Variants in EYS observed in about 807,000 individuals in gnomAD.
The protein encoded by EYS is EGF-like photoreceptor maintenance factor.
A neutral mutation model predicts 282.1 loss-of-function variants in EYS; 250 were observed. That is an observed-to-expected ratio of 0.89 (90% CI 0.80 to 0.98). EYS has a LOEUF of 0.98. Ranked by LOEUF, EYS falls within the 50% of genes least tolerant of loss-of-function variation. The pLI is 0.00. For synonymous variants in EYS, 1,355 were observed against 1,282.9 expected (o/e 1.06, Z -1.20); for missense variants, 4,016 against 3,709.0 (o/e 1.08, Z -2.15).
chr6:64,473,787 T>C (rs899205155), intron 26 of EYS, among the ~76,000 whole-genome samples: 2 of 152,118 alleles, frequency 1.3e-5, no homozygotes, highest in Admixed American at 1.3e-4. Flanking sequence ...GGGTCTCACA[T>C]AGTGTCATCT....
At chr6:64,359,788 C>T (rs545152395) in intron 29 of EYS, among the ~76,000 whole-genome samples, 2 of 151,744 alleles carry the variant, frequency 1.3e-5, no homozygotes, top group Admixed American at 1.3e-4. Flanking sequence ...GGGCCCCATC[C>T]TTATCACCTC....
intron 14 of EYS, among the ~76,000 whole-genome samples, chr6:64,968,325 C>T (rs1770169778): frequency 6.6e-6 from 1 of 151,932 alleles, no homozygotes; most frequent in Non-Finnish European, 1.5e-5. Context: ...TTTCCACTGC[C>T]TTGAAAACTA....
At chr6:64,419,351 G>A (rs1480141194) in intron 28 of EYS, among the ~76,000 whole-genome samples, 2 of 152,134 alleles carry the variant, frequency 1.3e-5, no homozygotes, top group East Asian at 1.9e-4. Flanking sequence ...AGATTTGGGT[G>A]AGGACACAGC....
In EYS at chr6:64,128,805, C is replaced by T. The variant is rs572140213; in HGVS notation, c.6425-46803G>A. Among the ~76,000 whole-genome samples, 6 of 152,266 alleles carry T rather than the reference C, an allele frequency of 3.9e-5. No individual in the cohort carries two copies. The East Asian group carries it at 1.2e-3, about 29-fold the overall frequency. On this transcript the variant is annotated intron_variant, in intron 31 of 42. Coordinates refer to ENST00000503581, the MANE Select transcript of EYS (RefSeq NM_001142800.2). ...AATCATTATGCTAATGCTTACTGCT[C>T]ACTGTGTATGGAAGGGTCTCATAAG...
intron 37 of EYS, among the ~76,000 whole-genome samples, chr6:63,792,391 C>A (rs1770539669): frequency 6.6e-6 from 1 of 152,036 alleles, no homozygotes; most frequent in Admixed American, 6.6e-5. Flanking sequence ...ACTGTCACAG[C>A]CGGTACCTAG....
intron 22 of EYS, among the ~76,000 whole-genome samples, chr6:64,777,368 A>T (rs2055171): frequency 0.42 from 63,548 of 151,970 alleles, 15,830 homozygotes; most frequent in Admixed American, 0.59. Context: ...GGTGGTGAAC[A>T]TGCTGTTGGA....
intron 11 of EYS, chr6:65,330,535 C>G (rs1502968): frequency 1.0e-6 from 1 of 983,290 alleles, no homozygotes; most frequent in African/African-American, 1.8e-5. Flanking sequence ...GATTTCAGGG[C>G]AAAAAAATGT....
intron 31 of EYS, among the ~76,000 whole-genome samples, chr6:64,136,799 A>G (rs1774175103): frequency 6.6e-6 from 1 of 152,166 alleles, no homozygotes; most frequent in Non-Finnish European, 1.5e-5. Context: ...TAGAGAACAG[A>G]CAGAGTAGAT....
At chr6:65,656,625 T>C (rs1269134291) in intron 1 of EYS, among the ~76,000 whole-genome samples, 1 of 151,906 alleles carries the variant, frequency 6.6e-6, no homozygotes, top group African/African-American at 2.4e-5. Context: ...TTACCTCAGA[T>C]GCTGGAAAAG....
chr6:65,354,721 G>A (rs1339701584), intron 8 of EYS, among the ~76,000 whole-genome samples: 1 of 152,056 alleles, frequency 6.6e-6, no homozygotes, highest in East Asian at 1.9e-4. Context: ...GGAGACTGAG[G>A]CAGGAGAATC....
intron 41 of EYS, among the ~76,000 whole-genome samples, chr6:63,756,292 G>A (rs1269123495): frequency 1.3e-5 from 2 of 152,140 alleles, no homozygotes; most frequent in African/African-American, 4.8e-5. Context: ...ATTATTTTGA[G>A]ATATGTTCCA....
intron 11 of EYS, among the ~76,000 whole-genome samples, chr6:65,301,923 C>A (rs1463984025): frequency 6.6e-6 from 1 of 152,172 alleles, no homozygotes; most frequent in East Asian, 1.9e-4. Context: ...ATTCCCTGCC[C>A]AAAAAATTCC....
At chr6:64,622,451 A>C (rs1463323155) in intron 23 of EYS, among the ~76,000 whole-genome samples, 1 of 152,160 alleles carries the variant, frequency 6.6e-6, no homozygotes, top group African/African-American at 2.4e-5. Context: ...TCCAGGTTAA[A>C]TTTCAGTGTG....
chr6:65,344,345 C>T (rs1770315359), intron 9 of EYS, among the ~76,000 whole-genome samples, 168 bp from the exon 10 acceptor site: 1 of 151,450 alleles, frequency 6.6e-6, no homozygotes, highest in Non-Finnish European at 1.5e-5. Context: ...GACCTCAAAG[C>T]CCAACACTCT....
chr6:65,497,129 C>T (rs1766284080), intron 2 of EYS, among the ~76,000 whole-genome samples: 1 of 151,990 alleles, frequency 6.6e-6, no homozygotes, highest in Non-Finnish European at 1.5e-5. Flanking sequence ...AATTATCAAT[C>T]TTGCTAAAGG....
chr6:64,430,341 G>A (rs1311645450), intron 28 of EYS, among the ~76,000 whole-genome samples: 1 of 152,142 alleles, frequency 6.6e-6, no homozygotes, highest in African/African-American at 2.4e-5. Flanking sequence ...TAGGCATTAT[G>A]CGCCAGTACG....
intron 8 of EYS, among the ~76,000 whole-genome samples, chr6:65,365,273 T>C (rs1047163060): frequency 9.9e-5 from 15 of 151,766 alleles, no homozygotes; most frequent in Non-Finnish European, 1.6e-4. Flanking sequence ...TTCCAGGACC[T>C]AGGAGGATTC....
At chr6:64,436,073 C>T in intron 28 of EYS, 101 bp downstream of exon 28, 1 of 564,434 alleles carries the variant, frequency 1.8e-6, no homozygotes. Context: ...CATGTTAATA[C>T]TAATCAGTAT....
At chr6:65,277,567 A>G (rs530793397) in intron 12 of EYS, among the ~76,000 whole-genome samples, 54 of 152,240 alleles carry the variant, frequency 3.5e-4, no homozygotes, top group Non-Finnish European at 5.7e-4. Flanking sequence ...TCATGCTGGC[A>G]CCCTCATTTT....
Sources: allele counts gnomAD v4.1 joint callset (sites outside exome capture counted in the v4.1 genomes callset), GRCh38; gene constraint gnomAD v4.1.1; transcripts MANE v1.5; gene names NCBI Gene and HGNC (gene_info 2026-07-23, HGNC 2026-07-21).